Variants in LTBP1 observed in about 807,000 individuals in gnomAD.
LTBP1 encodes the protein latent-transforming growth factor beta-binding protein 1.
Under a neutral mutation model 207.6 loss-of-function variants are expected in LTBP1, and 129 were observed. That is an observed-to-expected ratio of 0.62 (90% CI 0.54 to 0.72). The LOEUF is 0.72. Ranked by LOEUF, LTBP1 falls within the 30% of genes least tolerant of loss-of-function variation. The pLI, the probability that LTBP1 is intolerant of heterozygous loss-of-function variation, is 0.00. For missense variants in LTBP1, 2,281 were observed against 2,217.2 expected (o/e 1.03, Z -0.58); for synonymous variants, 963 against 833.7 (o/e 1.16, Z -2.67).
chr2:33,170,755 AC>A (rs377748115), intron 5 of LTBP1, among the ~76,000 whole-genome samples: 69,866 of 148,924 alleles, frequency 0.47, 16,205 homozygotes, highest in Non-Finnish European at 0.5. Flanking sequence ...ACTGGGAGGC[AC>A]CCCCCAGTAG....
At chr2:33,263,983 C>T (rs190945739) in intron 15 of LTBP1, among the ~76,000 whole-genome samples, 15 of 143,760 alleles carry the variant, frequency 1.0e-4, no homozygotes, top group South Asian at 2.3e-4. Flanking sequence ...GGACTGGGTG[C>T]GGTGGTTCAT....
At chr2:33,072,320 C>G (rs1235314293) in intron 3 of LTBP1, among the ~76,000 whole-genome samples, 1 of 152,174 alleles carries the variant, frequency 6.6e-6, no homozygotes, top group Non-Finnish European at 1.5e-5. Context: ...CTATCTGAAG[C>G]TCTCTGAACC....
chr2:33,176,898 A>C (rs1398445832), intron 5 of LTBP1, among the ~76,000 whole-genome samples: 1 of 152,080 alleles, frequency 6.6e-6, no homozygotes, highest in East Asian at 1.9e-4. Flanking sequence ...ATAATTACGA[A>C]GTTGATGAGG....
At chr2:33,004,465 A>C (rs1573032451) in intron 2 of LTBP1, among the ~76,000 whole-genome samples, 1 of 151,922 alleles carries the variant, frequency 6.6e-6, no homozygotes, top group East Asian at 1.9e-4. Flanking sequence ...CCCTTAACGT[A>C]TATAAGTCAA....
chr2:33,028,320 T>C lies in LTBP1; in HGVS notation c.863+7114T>C, dbSNP rs1036559137. Reference sequence around the variant, plus strand: ...TAATAGTTAATATGACCAATTATTCTGTGCCAGACACAATTCTGAGTACTT... The same window carrying C: ...TAATAGTTAATATGACCAATTATTCCGTGCCAGACACAATTCTGAGTACTT... On this transcript the variant is annotated intron_variant, in intron 3 of 33. Coordinates refer to ENST00000404816, the MANE Select transcript of LTBP1 (RefSeq NM_206943.4). Among the ~76,000 whole-genome samples the C allele has an allele frequency of 1.6e-4, 25 of 152,258 alleles. 1 individual carries two copies. The highest frequency in any genetic ancestry group is 4.4e-5 in the Non-Finnish European group (3 of 68,036).
chr2:32,956,491 T>C (rs755584329), intron 2 of LTBP1, among the ~76,000 whole-genome samples: 2 of 152,232 alleles, frequency 1.3e-5, no homozygotes, highest in Non-Finnish European at 2.9e-5. Flanking sequence ...TCTCTTCAAG[T>C]TCGAACATGA....
Position 33,177,996 on chromosome 2 carries a change from A to G in LTBP1, c.1202-8860A>G, listed in dbSNP as rs116607700. ...TCTGTACCCCCTGCAAGTGTTTCTG[A>G]TGATCCCCAAGGGCTGCTCCCCAGC... On this transcript the variant is annotated intron_variant, in intron 5 of 33. Coordinates refer to ENST00000404816, the MANE Select transcript of LTBP1 (RefSeq NM_206943.4). Among the ~76,000 whole-genome samples, 354 of 152,270 alleles carry G rather than the reference A, an allele frequency of 2.3e-3. 4 individuals are homozygous for G. The highest frequency in any genetic ancestry group is 8.3e-3 in the African/African-American group (347 of 41,568).
chr2:33,398,289 A>T, intron 33 of LTBP1, 75 bp from the exon 34 acceptor site: 6 of 1,385,336 alleles, frequency 4.3e-6, no homozygotes, highest in Non-Finnish European at 5.0e-6. Flanking sequence ...GAAGGGCCTC[A>T]GGTAAGCCTC....
chr2:33,252,598 G>T, intron 10 of LTBP1, 79 bp from the exon 11 acceptor site: 1 of 1,317,938 alleles, frequency 7.6e-7, no homozygotes, highest in Non-Finnish European at 1.1e-6. Context: ...CATACCTTAG[G>T]GTTCATTTTA....
chr2:33,259,820 A>G (rs542422475), intron 13 of LTBP1, among the ~76,000 whole-genome samples: 1 of 152,306 alleles, frequency 6.6e-6, no homozygotes, highest in East Asian at 1.9e-4. Context: ...AAAACAATAG[A>G]GAACAAATAG....
intron 5 of LTBP1, among the ~76,000 whole-genome samples, chr2:33,150,061 T>C (rs537320119): frequency 6.6e-6 from 1 of 152,296 alleles, no homozygotes; most frequent in South Asian, 2.1e-4. Flanking sequence ...AAAAACCTCT[T>C]TGGGGCCAAA....
At chr2:33,119,734 AT>A (rs1217676057) in intron 4 of LTBP1, among the ~76,000 whole-genome samples, 1 of 151,834 alleles carries the variant, frequency 6.6e-6, no homozygotes, top group Non-Finnish European at 1.5e-5. Flanking sequence ...ATTTTTTTGT[AT>A]TTTTAGTAGA....
At chr2:33,242,310 A>G (rs779879859) in intron 9 of LTBP1, among the ~76,000 whole-genome samples, 2 of 152,220 alleles carry the variant, frequency 1.3e-5, no homozygotes, top group Non-Finnish European at 2.9e-5. Context: ...GCAAGTGACT[A>G]TATAATCTTT....
At chr2:33,009,962 T>TGC (rs1687446492) in intron 2 of LTBP1, among the ~76,000 whole-genome samples, 1 of 151,786 alleles carries the variant, frequency 6.6e-6, no homozygotes, top group Non-Finnish European at 1.5e-5. Context: ...AATTAGATCT[T>TGC]CAGGAGAAGG....
chr2:33,123,906 T>G (rs1180482615), intron 4 of LTBP1, among the ~76,000 whole-genome samples: 1 of 152,174 alleles, frequency 6.6e-6, no homozygotes, highest in Non-Finnish European at 1.5e-5. Flanking sequence ...GAATTTAAAA[T>G]TACAGAAATC....
chr2:33,328,065 G>A (rs560200764), intron 24 of LTBP1, among the ~76,000 whole-genome samples: 1 of 151,516 alleles, frequency 6.6e-6, no homozygotes, highest in Admixed American at 6.6e-5. Context: ...AAACCGGAAG[G>A]TGAAGGTTGC....
chr2:33,377,954 A>G (rs576238732), intron 31 of LTBP1, among the ~76,000 whole-genome samples: 140 of 152,112 alleles, frequency 9.2e-4, no homozygotes, highest in African/African-American at 3.3e-3. Context: ...TGATCCAGTC[A>G]CCTCCCACCA....
At chr2:33,036,542 C>G (rs1297275136) in intron 3 of LTBP1, among the ~76,000 whole-genome samples, 3 of 151,956 alleles carry the variant, frequency 2.0e-5, no homozygotes, top group Non-Finnish European at 4.4e-5. Flanking sequence ...ACTGCAACCT[C>G]CGCCTCCTGG....
chr2:33,132,675 A>G (rs2081883497), intron 4 of LTBP1, among the ~76,000 whole-genome samples: 1 of 152,160 alleles, frequency 6.6e-6, no homozygotes, highest in African/African-American at 2.4e-5. Flanking sequence ...CATTTCAGAC[A>G]ACATGTCTTG....
Sources: gnomAD v4.1 joint callset for allele counts (sites outside exome capture counted in the v4.1 genomes callset) on GRCh38, gnomAD v4.1.1 for gene constraint, MANE v1.5 for transcripts, NCBI Gene and HGNC (gene_info 2026-07-23, HGNC 2026-07-21) for gene names.